Variants in NAALADL2 observed in about 807,000 individuals in gnomAD.
The protein encoded by NAALADL2 is inactive N-acetylated-alpha-linked acidic dipeptidase-like protein 2.
NAALADL2 carries 76 observed loss-of-function variants against 87.2 expected under a neutral mutation model. The observed-to-expected ratio is 0.87, with a 90% CI of 0.72 to 1.05. The LOEUF is 1.05. NAALADL2 is among the 50% of genes least tolerant of loss of function. The pLI is 0.00. For missense variants in NAALADL2, 1,089 were observed against 945.8 expected (o/e 1.15, Z -1.99); for synonymous variants, 354 against 331.0 (o/e 1.07, Z -0.75).
chr3:175,307,225 A>G (rs1480538772), intron 4 of NAALADL2, among the ~76,000 whole-genome samples: 1 of 152,118 alleles, frequency 6.6e-6, no homozygotes, highest in African/African-American at 2.4e-5. Flanking sequence ...AATCTTAAAA[A>G]TCCCCTGGAG....
rs151173507 is a variant in NAALADL2, at chr3:174,947,562, C to T, written c.43+88112C>T. 2.2e-3 allele frequency among the ~76,000 whole-genome samples: 335 copies of T among 152,044 alleles called. 1 individual carries two copies. The highest frequency in any genetic ancestry group is 7.9e-3 in the African/African-American group (326 of 41,480). On this transcript the variant is annotated intron_variant, in intron 1 of 13. Coordinates refer to ENST00000454872, the MANE Select transcript of NAALADL2 (RefSeq NM_207015.3). ...AGACATAAGAAGAATGTGGGACTCTCAGTGAAAATGGAATTTAGGAATGAT... is the reference window on the plus strand; with the variant it reads ...AGACATAAGAAGAATGTGGGACTCTTAGTGAAAATGGAATTTAGGAATGAT...
intron 1 of NAALADL2, among the ~76,000 whole-genome samples, chr3:175,031,998 T>C (rs1437010385): frequency 3.3e-5 from 5 of 152,162 alleles, no homozygotes; most frequent in African/African-American, 1.2e-4. Flanking sequence ...AAGCTTCTTA[T>C]ATATTCTGAA....
At chr3:174,490,805 T>C (rs1718143171) in intron 1 of NAALADL2, among the ~76,000 whole-genome samples, 2 of 151,930 alleles carry the variant, frequency 1.3e-5, no homozygotes, top group South Asian at 4.1e-4. Context: ...GAGAAGTTGG[T>C]GGGTTTCTAT....
intron 2 of NAALADL2, among the ~76,000 whole-genome samples, chr3:175,147,336 C>A (rs111432547): frequency 6.6e-6 from 1 of 152,016 alleles, no homozygotes; most frequent in African/African-American, 2.4e-5. Context: ...TGAGAACATG[C>A]CGTATTTGGT....
chr3:175,451,538 A>G (rs1721579949), intron 6 of NAALADL2, among the ~76,000 whole-genome samples: 1 of 152,166 alleles, frequency 6.6e-6, no homozygotes, highest in Non-Finnish European at 1.5e-5. Context: ...TCACATATCA[A>G]TCTGAGCTTG....
chr3:174,865,110 T>C (rs1726987136), intron 1 of NAALADL2, among the ~76,000 whole-genome samples: 1 of 152,040 alleles, frequency 6.6e-6, no homozygotes, highest in African/African-American at 2.4e-5. Context: ...ATAAATGCTT[T>C]CTGTAATTTA....
At chr3:175,165,968 C>T (rs1393195652) in intron 2 of NAALADL2, among the ~76,000 whole-genome samples, 1 of 151,630 alleles carries the variant, frequency 6.6e-6, no homozygotes, top group Admixed American at 6.6e-5. Flanking sequence ...CCACCGGCCT[C>T]ACATTAGTTC....
At chr3:175,580,655 A>G (rs1719632182) in intron 10 of NAALADL2, among the ~76,000 whole-genome samples, 1 of 152,156 alleles carries the variant, frequency 6.6e-6, no homozygotes, top group African/African-American at 2.4e-5. Flanking sequence ...TAAGAATGAA[A>G]TTTTACCTTT....
chr3:175,266,195 G>T (rs188943325), intron 4 of NAALADL2, among the ~76,000 whole-genome samples: 70 of 150,496 alleles, frequency 4.7e-4, no homozygotes, highest in African/African-American at 1.5e-3. Flanking sequence ...AATATCTTAT[G>T]AATTTTCCTA....
intron 10 of NAALADL2, among the ~76,000 whole-genome samples, chr3:175,626,946 C>A (rs1363017706): frequency 1.3e-5 from 2 of 151,828 alleles, no homozygotes; most frequent in Non-Finnish European, 2.9e-5. Flanking sequence ...AGTCACACAC[C>A]ATCTAGATGA....
chr3:174,703,718 G>A (rs766423198), intron 2 of NAALADL2, among the ~76,000 whole-genome samples: 1 of 152,012 alleles, frequency 6.6e-6, no homozygotes, highest in Non-Finnish European at 1.5e-5. Flanking sequence ...CCTCGTTAAG[G>A]TACAGTGCTT....
chr3:174,823,142 T>C (rs1192100633), intron 3 of NAALADL2, among the ~76,000 whole-genome samples: 2 of 152,194 alleles, frequency 1.3e-5, no homozygotes, highest in Non-Finnish European at 2.9e-5. Flanking sequence ...AAAGTAGGTA[T>C]GATTTAAAAC....
intron 5 of NAALADL2, chr3:175,397,137 A>C (rs1244264387): frequency 6.6e-6 from 1 of 151,938 alleles, no homozygotes; most frequent in African/African-American, 2.4e-5. Context: ...AACAACAACA[A>C]CACCTATTTG....
intron 10 of NAALADL2, among the ~76,000 whole-genome samples, chr3:175,626,285 A>AT (rs1726970546): frequency 6.6e-6 from 1 of 151,718 alleles, no homozygotes; most frequent in Non-Finnish European, 1.5e-5. Flanking sequence ...TATTTTTTGT[A>AT]TTTTTAATAC....
At chr3:175,184,408 T>A (rs901167174) in intron 2 of NAALADL2, among the ~76,000 whole-genome samples, 3 of 152,118 alleles carry the variant, frequency 2.0e-5, no homozygotes, top group African/African-American at 7.2e-5. Flanking sequence ...TTGTTTACCC[T>A]CTACTGCAGC....
At chr3:175,399,747 T>A (rs971526585) in intron 5 of NAALADL2, among the ~76,000 whole-genome samples, 2 of 151,970 alleles carry the variant, frequency 1.3e-5, no homozygotes, top group Non-Finnish European at 2.9e-5. Flanking sequence ...TGACTTAGAA[T>A]GTTTTAGGAA....
At chr3:175,512,027 A>G (rs1582196495) in intron 9 of NAALADL2, among the ~76,000 whole-genome samples, 1 of 152,138 alleles carries the variant, frequency 6.6e-6, no homozygotes, top group East Asian at 1.9e-4. Context: ...GATCGCTTTG[A>G]GCCAGTGAGT....
At chr3:175,387,664 G>T (rs1406037303) in intron 5 of NAALADL2, among the ~76,000 whole-genome samples, 1 of 152,034 alleles carries the variant, frequency 6.6e-6, no homozygotes, top group African/African-American at 2.4e-5. Flanking sequence ...AAGATTTGTT[G>T]AATATACTAA....
At chr3:175,203,539 A>G (rs1309181619) in intron 2 of NAALADL2, among the ~76,000 whole-genome samples, 2 of 152,120 alleles carry the variant, frequency 1.3e-5, no homozygotes, top group Admixed American at 6.5e-5. Flanking sequence ...TCAGAGTTCT[A>G]TGAGTCTTCT....
Sources: gnomAD v4.1 joint callset for allele counts (sites outside exome capture counted in the v4.1 genomes callset) on GRCh38, gnomAD v4.1.1 for gene constraint, MANE v1.5 for transcripts, NCBI Gene and HGNC (gene_info 2026-07-23, HGNC 2026-07-21) for gene names.